Variants in RASAL1 observed in about 807,000 individuals in gnomAD.
RASAL1 encodes the protein rasGAP-activating-like protein 1.
RASAL1 carries 72 observed loss-of-function variants against 96.6 expected under a neutral mutation model. The observed-to-expected ratio is 0.75, with a 90% CI of 0.62 to 0.91. The LOEUF (loss-of-function observed/expected upper bound fraction) is 0.91, where lower values mean the gene tolerates loss of function less well. Ranked by LOEUF, RASAL1 falls within the 40% of genes least tolerant of loss-of-function variation. The pLI, the probability that RASAL1 is intolerant of heterozygous loss-of-function variation, is 0.00. For missense variants in RASAL1, 1,016 were observed against 1,072.5 expected, an observed-to-expected ratio of 0.95 and a Z score of 0.74; for synonymous variants, 405 against 430.4, an observed-to-expected ratio of 0.94 and a Z score of 0.73.
chr12:113,109,748 G>T (rs1320155295), intron 13 of RASAL1, among the ~76,000 whole-genome samples: 1 of 152,196 alleles, frequency 6.6e-6, no homozygotes, highest in African/African-American at 2.4e-5. Flanking sequence ...ACCTAGAACT[G>T]CCCAGAGGGA....
chr12:113,100,116 G>A (rs1378374652), intron 20 of RASAL1, 48 bp from the exon 21 acceptor site: 1 of 1,527,912 alleles, frequency 6.5e-7, no homozygotes, highest in Middle Eastern at 1.7e-4. Context: ...TCCAGGGCAG[G>A]CTGCTGTAAC....
In RASAL1 at chr12:113,101,971, C is replaced by G; in HGVS notation, c.2143G>C (p.Gly715Arg). The G allele has an allele frequency of 6.2e-7, 1 of 1,614,130 alleles. No individual in the cohort carries two copies. The highest frequency in any genetic ancestry group is 8.5e-7 in the Non-Finnish European group (1 of 1,180,010). ...GGATCCAGTGGGTCACTCCAGTCCC[C>G]CAGGGTGACAGCTGAGTGTGTACGG... The part of the protein sequence containing the change: ...CSRTHSAVTL[G>R]DWSDPLDPDA... The change falls in exon 19 of 21, where the codon GGG (glycine) becomes CGG (arginine). Residue 715 changes from glycine to arginine, a missense_variant. Coordinates refer to ENST00000548055, the MANE Select transcript of RASAL1 (RefSeq NM_001301202.2).
Position 113,114,898 on chromosome 12 carries a change from G to A in RASAL1, c.1083C>T (p.Pro361=). The A allele has an allele frequency of 6.2e-7, 1 of 1,613,914 alleles. No homozygotes were observed. Among genetic ancestry groups the A allele is most frequent in the Non-Finnish European group, 8.5e-7 (1 of 1,179,914 alleles). ...MEQFMKLVGM[P]YLHEVLKPVI... ...CAGGCTTCAGGACCTCGTGCAGGTA[G>A]GGCATGCCCACGAGCTGGGGGCAGG... The change falls in exon 12 of 21, where the codon CCC becomes CCT. Residue 361 remains proline (P), a synonymous_variant. Transcript: ENST00000548055.
chr12:113,120,885 T>C (rs1008571976), intron 5 of RASAL1, among the ~76,000 whole-genome samples: 1 of 152,246 alleles, frequency 6.6e-6, no homozygotes, highest in African/African-American at 2.4e-5. Flanking sequence ...GACTCAGGCC[T>C]GATCCATTAT....
At chr12:113,112,520 C>T (rs909231923) in intron 12 of RASAL1, among the ~76,000 whole-genome samples, 1 of 152,154 alleles carries the variant, frequency 6.6e-6, no homozygotes, top group Non-Finnish European at 1.5e-5. Flanking sequence ...GTTAAATCTC[C>T]GCAACACTCC....
intron 15 of RASAL1, among the ~76,000 whole-genome samples, chr12:113,106,429 C>T (rs1277691689): frequency 6.6e-6 from 1 of 152,214 alleles, no homozygotes; most frequent in African/African-American, 2.4e-5. Context: ...AAATTCTTCC[C>T]AAGGCCTATG....
chr12:113,111,365 C>G (rs1469151782), intron 13 of RASAL1, among the ~76,000 whole-genome samples: 2 of 152,114 alleles, frequency 1.3e-5, no homozygotes, highest in Non-Finnish European at 2.9e-5. Flanking sequence ...CAGGAGCCAG[C>G]CTGCCTGGGT....
intron 4 of RASAL1, among the ~76,000 whole-genome samples, chr12:113,126,008 G>A (rs1951467528): frequency 6.6e-6 from 1 of 152,210 alleles, no homozygotes; most frequent in Admixed American, 6.5e-5. Context: ...GTACAGGCCG[G>A]GTGCAGTGGC....
Position 113,103,987 on chromosome 12 carries a change from C to T in RASAL1, c.2063G>A (p.Arg688His), listed in dbSNP as rs1288897037. The change falls in exon 18 of 21, where the codon CGC (arginine) becomes CAC (histidine). Residue 688 changes from arginine to histidine, a missense_variant. Transcript: ENST00000548055. ...GAGGCAGCAGGTCCAGCGCGCGCTG[C>T]GGAAGGCACCGGGGTGGCAGGCGGC... ...KLAACHPGAFRSARWTCCLQA... is the reference protein window; with the variant it reads ...KLAACHPGAFHSARWTCCLQA... 1.9e-6 allele frequency: 3 copies of T among 1,568,598 alleles called. No individual in the cohort carries two copies. The highest frequency in any genetic ancestry group is 2.3e-5 in the South Asian group (2 of 85,826).
Position 113,115,786 on chromosome 12 carries a change from C to A in RASAL1, c.852G>T (p.Glu284Asp), listed in dbSNP as rs1158518654. 1.2e-6 allele frequency: 2 copies of A among 1,613,910 alleles called. No individual in the cohort carries two copies. The highest frequency in any genetic ancestry group is 2.7e-5 in the African/African-American group (2 of 74,924). The change falls in exon 10 of 21, where the codon GAG (glutamate) becomes GAT (aspartate). Residue 284 changes from glutamate (E) to aspartate (D), a missense_variant and splice_region_variant. By Grantham distance (45) the Glu-to-Asp change is conservative. Transcript: ENST00000548055. This position sits in a 1 kb window ranked among gnomAD's most constrained non-coding sequence, Gnocchi z 4.1. ...LMESVQGPAE[E>D]DTASPLALLE... ...GCAAAGCCAAGGGGCTAGCAGTGTC[C>A]TCCTGGGTGGGGGCGGGAGACAAAG...
At chr12:113,117,996 G>C (rs1205168713) in intron 7 of RASAL1, among the ~76,000 whole-genome samples, 1 of 152,154 alleles carries the variant, frequency 6.6e-6, no homozygotes, top group East Asian at 1.9e-4. Context: ...GGATGAGGCG[G>C]GCAGATCACT....
intron 20 of RASAL1, among the ~76,000 whole-genome samples, chr12:113,100,330 G>C (rs531635304): frequency 1.3e-5 from 2 of 152,254 alleles, no homozygotes; most frequent in South Asian, 4.1e-4. Context: ...GCAGAGTCTT[G>C]CTGTGTTGCC....
chr12:113,130,772 C>A lies in RASAL1; in HGVS notation c.122+113G>T, dbSNP rs2305911. On this transcript the variant is annotated intron_variant, in intron 2 of 20. Coordinates refer to ENST00000548055, the MANE Select transcript of RASAL1 (RefSeq NM_001301202.2). The surrounding 1 kb of genome is among the most constrained non-coding windows in gnomAD (Gnocchi z 5.1). ...CACAAATCACCCACCTGCAGGCCCGCGAGTCCCCCTCAGGGTAAGCACTCC... is the reference window on the plus strand; with the variant it reads ...CACAAATCACCCACCTGCAGGCCCGAGAGTCCCCCTCAGGGTAAGCACTCC... 0.016 allele frequency: 13,462 copies of A among 843,124 alleles called. 255 individuals are homozygous for A. The highest frequency in any genetic ancestry group is 0.054 in the East Asian group (1,970 of 36,760). 52.2% of individuals were successfully genotyped at this position (843,124 alleles called of 1,614,324 possible).
In RASAL1 at chr12:113,119,368, C is replaced by A. The variant is rs1435502735; in HGVS notation, c.504G>T (p.Glu168Asp). ...ARVFWGSQSL[E>D]TSTIKKTRFP... is the part of the protein sequence containing the mutation. ...TTCATTCCCCACCACTCACTGAGGT[C>A]TCCAAGCTCTGGCTGCCCCAAAACA... Residue 168 changes from glutamate to aspartate, a missense_variant, in exon 6 of 21, where the codon GAG becomes GAT. By Grantham distance (45) the Glu-to-Asp change is conservative (BLOSUM62 2). Coordinates refer to ENST00000548055, the MANE Select transcript of RASAL1 (RefSeq NM_001301202.2). 6.2e-7 allele frequency: 1 copy of A among 1,613,012 alleles called. No individual in the cohort carries two copies. Among genetic ancestry groups the A allele is most frequent in the East Asian group, 2.2e-5 (1 of 44,842 alleles).
At chr12:113,103,111 T>C in intron 18 of RASAL1, 1 of 293,466 alleles carries the variant, frequency 3.4e-6, no homozygotes, top group Non-Finnish European at 6.9e-6. Context: ...TTGTATTACA[T>C]TGTTATACAT....
At chr12:113,100,294 C>T (rs1950395839) in intron 20 of RASAL1, among the ~76,000 whole-genome samples, 1 of 152,170 alleles carries the variant, frequency 6.6e-6, no homozygotes, top group Non-Finnish European at 1.5e-5. Flanking sequence ...TCCTTAACCC[C>T]TTAGCTTCTT....
chr12:113,134,045 C>T (rs1592973432), intron 1 of RASAL1, among the ~76,000 whole-genome samples: 2 of 152,210 alleles, frequency 1.3e-5, no homozygotes, highest in South Asian at 4.1e-4. Flanking sequence ...ACTCCTTTCA[C>T]CACCTAGCAG....
At chr12:113,100,216 C>A in intron 20 of RASAL1, 148 bp from the exon 21 acceptor site, 1 of 963,252 alleles carries the variant, frequency 1.0e-6, no homozygotes, top group African/African-American at 1.6e-5. Flanking sequence ...GCCCTGTGGC[C>A]TGATAATGGA....
chr12:113,102,141 C>T, intron 18 of RASAL1, 132 bp from the exon 19 acceptor site: 1 of 1,106,596 alleles, frequency 9.0e-7, no homozygotes. Context: ...CTAGGCCACA[C>T]ACGGTGGCTC....
Sources: allele counts gnomAD v4.1 joint callset (sites outside exome capture counted in the v4.1 genomes callset), GRCh38; gene constraint gnomAD v4.1.1; non-coding constraint Gnocchi (gnomAD v3.1); transcripts MANE v1.5; gene names NCBI Gene and HGNC (gene_info 2026-07-23, HGNC 2026-07-21).